Variants in MYO1E observed in about 807,000 individuals in gnomAD.
The protein encoded by MYO1E is unconventional myosin-Ie.
MYO1E carries 68 observed loss-of-function variants against 151.1 expected under a neutral mutation model. The observed-to-expected ratio is 0.45, with a 90% CI of 0.37 to 0.55. The LOEUF (loss-of-function observed/expected upper bound fraction) is 0.55. MYO1E is among the 20% of genes least tolerant of loss of function. The probability of loss-of-function intolerance (pLI) is 0.00; values close to 1 mark genes in which losing one functional copy is unlikely to be tolerated. For missense variants in MYO1E, 1,363 were observed against 1,389.3 expected (o/e 0.98, Z 0.30); for synonymous variants, 601 against 501.7 (o/e 1.20, Z -2.64).
intron 1 of MYO1E, among the ~76,000 whole-genome samples, chr15:59,287,444 AT>A (rs1451817302): frequency 3.9e-5 from 6 of 152,120 alleles, no homozygotes; most frequent in African/African-American, 1.4e-4. Flanking sequence ...ATAAAAACCA[AT>A]TTGGAAGATC....
chr15:59,211,616 C>A (rs2079879798), intron 12 of MYO1E, among the ~76,000 whole-genome samples: 1 of 152,158 alleles, frequency 6.6e-6, no homozygotes, highest in African/African-American at 2.4e-5. Flanking sequence ...TCCCACTTAA[C>A]CTGTTTAGAG....
At chr15:59,347,591 A>G (rs1422907732) in intron 1 of MYO1E, among the ~76,000 whole-genome samples, 1 of 152,236 alleles carries the variant, frequency 6.6e-6, no homozygotes, top group Non-Finnish European at 1.5e-5. Context: ...ACATATTCCG[A>G]AACTAGAGTA....
At chr15:59,194,711 A>C (rs1465630879) in intron 17 of MYO1E, among the ~76,000 whole-genome samples, 2 of 152,320 alleles carry the variant, frequency 1.3e-5, no homozygotes, top group Middle Eastern at 6.8e-3. Context: ...CAGTGGGATC[A>C]GGCCTCTGAA....
chr15:59,241,840 G>C (rs967889874), intron 4 of MYO1E, among the ~76,000 whole-genome samples: 3 of 152,052 alleles, frequency 2.0e-5, no homozygotes, highest in Admixed American at 6.6e-5. Context: ...GATTGTTTGA[G>C]TCCAGGAGGT....
chr15:59,258,721 T>C (rs568040667), intron 3 of MYO1E, among the ~76,000 whole-genome samples: 41 of 152,162 alleles, frequency 2.7e-4, no homozygotes, highest in African/African-American at 9.2e-4. Context: ...GACATGGTGG[T>C]GTGTGCCTGT....
chr15:59,151,441 A>C (rs568957322), intron 26 of MYO1E, among the ~76,000 whole-genome samples: 1 of 148,986 alleles, frequency 6.7e-6, no homozygotes, highest in African/African-American at 2.6e-5. Context: ...ACAAACAAAA[A>C]ACCCCCCCCA....
intron 1 of MYO1E, among the ~76,000 whole-genome samples, chr15:59,314,338 T>C (rs748288897): frequency 6.6e-6 from 1 of 152,234 alleles, no homozygotes; most frequent in African/African-American, 2.4e-5. Flanking sequence ...GAAGTGAAGA[T>C]TGTTATACTA....
In MYO1E at chr15:59,178,436, A is replaced by G; in HGVS notation, c.2006T>C (p.Phe669Ser). The G allele has an allele frequency of 6.2e-7, 1 of 1,614,208 alleles. No individual in the cohort carries two copies. The highest frequency in any genetic ancestry group is 1.1e-5 in the South Asian group (1 of 91,080). ...LQSVNMDSDQ[F>S]QLGRSKVFIK... ...GAACACTTTACTCCTCCCCAGCTGG[A>G]ACTGGTCGCTGTCCATGTTGACCGA... The change falls in exon 19 of 28, where the codon TTC (phenylalanine) becomes TCC (serine). Residue 669 changes from phenylalanine to serine, a missense_variant. By Grantham distance (155) the Phe-to-Ser change is radical. Coordinates refer to ENST00000288235, the MANE Select transcript of MYO1E (RefSeq NM_004998.4).
At chr15:59,351,464 T>C (rs1335681530) in intron 1 of MYO1E, among the ~76,000 whole-genome samples, 1 of 152,188 alleles carries the variant, frequency 6.6e-6, no homozygotes, top group African/African-American at 2.4e-5. Flanking sequence ...GTTGGATAAA[T>C]GCAACCAGTA....
At chr15:59,318,584 G>A (rs2080604267) in intron 1 of MYO1E, among the ~76,000 whole-genome samples, 1 of 152,136 alleles carries the variant, frequency 6.6e-6, no homozygotes, top group African/African-American at 2.4e-5. Flanking sequence ...GACTTGCATT[G>A]CCAGTCATAG....
rs1382760177 is a variant in MYO1E at position 59,350,171 on chromosome 15, T to A, written c.3+22327A>T. On this transcript the variant is annotated intron_variant, in intron 1 of 27. Transcript: ENST00000288235. The surrounding 1 kb of genome is among the most constrained non-coding windows in gnomAD (Gnocchi z 5.0). ...TTAACAAATGAAACTGAAGTACAGTTAAGTAATTTGTTCTACTCAGTTCCA... is the reference window on the plus strand; with the variant it reads ...TTAACAAATGAAACTGAAGTACAGTAAAGTAATTTGTTCTACTCAGTTCCA... 6.6e-6 allele frequency among the ~76,000 whole-genome samples: 1 copy of A among 152,234 alleles called. No homozygotes were observed. The highest frequency in any genetic ancestry group is 1.5e-5 in the Non-Finnish European group (1 of 68,032).
chr15:59,231,020 C>G (rs1245545333), intron 6 of MYO1E, among the ~76,000 whole-genome samples: 1 of 152,180 alleles, frequency 6.6e-6, no homozygotes, highest in Non-Finnish European at 1.5e-5. Flanking sequence ...TATTTACCCC[C>G]TCTGGAGACA....
intron 18 of MYO1E, among the ~76,000 whole-genome samples, chr15:59,185,403 G>A (rs2079689770): frequency 6.6e-6 from 1 of 152,160 alleles, no homozygotes; most frequent in Non-Finnish European, 1.5e-5. Flanking sequence ...AGGCAGCTGG[G>A]ATTACAGATG....
chr15:59,236,520 C>T, intron 5 of MYO1E, 65 bp downstream of exon 5: 2 of 1,396,918 alleles, frequency 1.4e-6, no homozygotes, highest in South Asian at 1.2e-5. Flanking sequence ...TCTTTTCTAA[C>T]AGCAAATGGA....
In MYO1E at chr15:59,272,427, T is replaced by G; in HGVS notation, c.26A>C (p.Tyr9Ser). 6.2e-7 allele frequency: 1 copy of G among 1,614,208 alleles called. No homozygotes were observed. ...CTTGACATTGTGGCTTTGCCAGTGG[T>G]ACTGGTAGACACCTTTGCTTCCCTG... MGSKGVYQYHWQSHNVKHS... is the reference protein window; with the variant it reads MGSKGVYQSHWQSHNVKHS... Residue 9 changes from tyrosine (Y) to serine (S), a missense_variant, in exon 2 of 28, where the codon TAC (tyrosine) becomes TCC (serine). By Grantham distance (144) the Tyr-to-Ser change is moderately radical. Coordinates refer to ENST00000288235, the MANE Select transcript of MYO1E (RefSeq NM_004998.4).
intron 27 of MYO1E, 80 bp downstream of exon 27, chr15:59,138,118 T>A: frequency 6.4e-7 from 1 of 1,554,910 alleles, no homozygotes; most frequent in Admixed American, 1.7e-5. Context: ...TAAATTCTTT[T>A]CATTTTCACA....
At chr15:59,313,369 A>C (rs887951020) in intron 1 of MYO1E, among the ~76,000 whole-genome samples, 3 of 152,244 alleles carry the variant, frequency 2.0e-5, no homozygotes, top group Non-Finnish European at 2.9e-5. Flanking sequence ...TCATTATTTA[A>C]GGAAGCAACA....
chr15:59,213,526 T>C (rs995511747), intron 12 of MYO1E, among the ~76,000 whole-genome samples: 5 of 151,212 alleles, frequency 3.3e-5, no homozygotes, highest in African/African-American at 1.2e-4. Flanking sequence ...AGTGCAGTGG[T>C]GTGATGATAT....
At chr15:59,217,390 A>C (rs565235376) in intron 10 of MYO1E, among the ~76,000 whole-genome samples, 1 of 152,188 alleles carries the variant, frequency 6.6e-6, no homozygotes, top group Non-Finnish European at 1.5e-5. Context: ...GATTTAGCTA[A>C]GGTATCTTGG....
Sources: gnomAD v4.1 joint callset for allele counts (sites outside exome capture counted in the v4.1 genomes callset) on GRCh38, gnomAD v4.1.1 for gene constraint, Gnocchi (gnomAD v3.1) non-coding constraint, MANE v1.5 for transcripts, NCBI Gene and HGNC (gene_info 2026-07-23, HGNC 2026-07-21) for gene names.